The following RAP1GDS1 variants were observed in gnomAD, a reference collection of about 807,000 sequenced individuals.
RAP1GDS1 encodes the protein RAP1, GTP-GDP dissociation stimulator 1.
Under a neutral mutation model 71.1 loss-of-function variants are expected in RAP1GDS1, and 35 were observed. The observed-to-expected ratio is 0.49, with a 90% confidence interval of 0.38 to 0.65. The LOEUF (loss-of-function observed/expected upper bound fraction) is 0.65, where lower values mean the gene tolerates loss of function less well. Among genes scored for constraint, RAP1GDS1 ranks in the 30% least tolerant of loss-of-function variants. The probability of loss-of-function intolerance (pLI) is 0.00; values close to 1 mark genes in which losing one functional copy is unlikely to be tolerated. For synonymous variants in RAP1GDS1, 229 were observed against 243.1 expected, an observed-to-expected ratio of 0.94 and a Z score of 0.54; for missense variants, 663 against 706.1, an observed-to-expected ratio of 0.94 and a Z score of 0.69.
In RAP1GDS1 at chr4:98,404,611, C is replaced by A. The variant is rs773691705; in HGVS notation, c.763+9C>A. On this transcript the variant is annotated intron_variant, in intron 7 of 14. Transcript: ENST00000408927. ...TCCATTGGCAGAAAATGGTGAGAAA[C>A]TTAAATGCACCTTTGGATTTTTGAT... The A allele has an allele frequency of 6.3e-7, 1 of 1,595,778 alleles. No homozygotes were observed. The highest frequency in any genetic ancestry group is 2.3e-5 in the East Asian group (1 of 44,228).
intron 13 of RAP1GDS1, 118 bp from the exon 14 acceptor site, chr4:98,436,822 T>C (rs1291663842): frequency 1.0e-6 from 1 of 990,152 alleles, no homozygotes; most frequent in East Asian, 2.8e-5. Flanking sequence ...TCTAGGTCAT[T>C]ATTATTTATC....
rs78383250 is a variant in RAP1GDS1, at chr4:98,406,877, C to T, written c.763+2275C>T. Reference sequence around the variant, plus strand: ...GTTTACATGGTAAGAAATATACTTCCAGTACCTCAGAGGTCAAAAAAGAAT... The same window carrying T: ...GTTTACATGGTAAGAAATATACTTCTAGTACCTCAGAGGTCAAAAAAGAAT... On this transcript the variant is annotated intron_variant, in intron 7 of 14. Transcript: ENST00000408927. Among the ~76,000 whole-genome samples, 291 of 152,114 alleles carry T rather than the reference C, an allele frequency of 1.9e-3. 6 individuals are homozygous for T. In the East Asian group the frequency reaches 0.041, roughly 21 times the overall value.
chr4:98,344,609 A>G (rs1406119980), intron 3 of RAP1GDS1, among the ~76,000 whole-genome samples: 1 of 152,158 alleles, frequency 6.6e-6, no homozygotes, highest in East Asian at 1.9e-4. Flanking sequence ...AGAGTTTCTT[A>G]CAGTAATACT....
At chr4:98,366,842 G>A (rs761593939) in intron 4 of RAP1GDS1, among the ~76,000 whole-genome samples, 1 of 152,180 alleles carries the variant, frequency 6.6e-6, no homozygotes, top group Admixed American at 6.5e-5. Context: ...GCATTCAAGA[G>A]GTGACTTGGG....
chr4:98,280,204 A>T (rs1724852219), intron 1 of RAP1GDS1, among the ~76,000 whole-genome samples: 1 of 152,190 alleles, frequency 6.6e-6, no homozygotes, highest in Non-Finnish European at 1.5e-5. Context: ...ACAATGGTTG[A>T]ACTAGTTTAC....
At chr4:98,289,016 T>C (rs116216378) in intron 1 of RAP1GDS1, among the ~76,000 whole-genome samples, 149 of 152,252 alleles carry the variant, frequency 9.8e-4, no homozygotes, top group African/African-American at 3.3e-3. Context: ...AGAGGCATGA[T>C]TTTTGTGCTT....
chr4:98,327,871 G>T (rs1002696600), intron 2 of RAP1GDS1, among the ~76,000 whole-genome samples: 3 of 152,120 alleles, frequency 2.0e-5, no homozygotes, highest in Non-Finnish European at 4.4e-5. Flanking sequence ...TGTTTTGTAG[G>T]TGCTTGCTGT....
In RAP1GDS1 at chr4:98,343,169, G is replaced by A; in HGVS notation, c.143G>A (p.Ser48Asn). 1.2e-6 allele frequency: 2 copies of A among 1,608,338 alleles called. No homozygotes were observed. Among genetic ancestry groups the A allele is most frequent in the Non-Finnish European group, 1.7e-6 (2 of 1,175,792 alleles). ...NTETSEKIQASGILQLFASLL... is the reference protein window; with the variant it reads ...NTETSEKIQANGILQLFASLL... ...GAAACAAGTGAAAAAATCCAAGCAAGTGGAATACTTCAGCTGTTTGCAAGT... is the reference window on the plus strand; with the variant it reads ...GAAACAAGTGAAAAAATCCAAGCAAATGGAATACTTCAGCTGTTTGCAAGT... Residue 48 changes from serine to asparagine, a missense_variant, in exon 3 of 15, where the codon AGT becomes AAT. Coordinates refer to ENST00000408927, the MANE Select transcript of RAP1GDS1 (RefSeq NM_001100427.2).
intron 2 of RAP1GDS1, among the ~76,000 whole-genome samples, chr4:98,332,273 C>G (rs1157608670): frequency 6.6e-6 from 1 of 152,126 alleles, no homozygotes; most frequent in Non-Finnish European, 1.5e-5. Flanking sequence ...CAGGGGAACA[C>G]GTGGATCTTA....
intron 1 of RAP1GDS1, among the ~76,000 whole-genome samples, chr4:98,286,623 G>A (rs1281941420): frequency 1.3e-5 from 2 of 151,918 alleles, no homozygotes; most frequent in Admixed American, 6.6e-5. Context: ...GGTGGCTAAC[G>A]CCTATAATCC....
chr4:98,435,195 C>T (rs1216919239), intron 13 of RAP1GDS1, among the ~76,000 whole-genome samples: 1 of 150,842 alleles, frequency 6.6e-6, no homozygotes, highest in Non-Finnish European at 1.5e-5. Flanking sequence ...CAACTTAGAT[C>T]CATAATTCTC....
intron 12 of RAP1GDS1, among the ~76,000 whole-genome samples, chr4:98,426,906 G>A (rs1301069432): frequency 1.3e-5 from 2 of 151,850 alleles, no homozygotes; most frequent in African/African-American, 4.8e-5. Flanking sequence ...ACCAGGAAAG[G>A]ACATAACAAA....
chr4:98,332,596 A>T (rs1734159261), intron 2 of RAP1GDS1, among the ~76,000 whole-genome samples: 1 of 152,338 alleles, frequency 6.6e-6, no homozygotes, highest in Non-Finnish European at 1.5e-5. Context: ...AGCAGAATTT[A>T]AACTTCTGAG....
chr4:98,283,745 T>C (rs1401451632), intron 1 of RAP1GDS1, among the ~76,000 whole-genome samples: 1 of 152,032 alleles, frequency 6.6e-6, no homozygotes, highest in African/African-American at 2.4e-5. Context: ...TATTGAAAGC[T>C]AAAGTGTGTA....
At chr4:98,439,683 TC>T (rs1751642472) in intron 14 of RAP1GDS1, among the ~76,000 whole-genome samples, 1 of 152,228 alleles carries the variant, frequency 6.6e-6, no homozygotes, top group Non-Finnish European at 1.5e-5. Context: ...ATTTCCCTTG[TC>T]CCCTCTATTC....
chr4:98,431,810 C>G (rs1401827974), intron 12 of RAP1GDS1, among the ~76,000 whole-genome samples: 1 of 152,240 alleles, frequency 6.6e-6, no homozygotes, highest in African/African-American at 2.4e-5. Flanking sequence ...CAATATTATT[C>G]TGTCACATGT....
At chr4:98,291,033 G>A (rs547501357) in intron 1 of RAP1GDS1, among the ~76,000 whole-genome samples, 8 of 152,268 alleles carry the variant, frequency 5.3e-5, no homozygotes, top group African/African-American at 1.4e-4. Flanking sequence ...AGGTGTTTCA[G>A]AAATGGAAAA....
intron 5 of RAP1GDS1, among the ~76,000 whole-genome samples, chr4:98,380,635 A>G (rs1333733101): frequency 1.3e-5 from 2 of 151,796 alleles, no homozygotes; most frequent in East Asian, 1.9e-4. Context: ...AAATAAATAC[A>G]TATTTCCTAA....
At chr4:98,298,503 G>C (rs1728112295) in intron 2 of RAP1GDS1, among the ~76,000 whole-genome samples, 1 of 152,168 alleles carries the variant, frequency 6.6e-6, no homozygotes, top group South Asian at 2.1e-4. Context: ...CCTTCAGAAT[G>C]ATGCTAAATT....
Sources: allele counts gnomAD v4.1 joint callset (sites outside exome capture counted in the v4.1 genomes callset), GRCh38; gene constraint gnomAD v4.1.1; transcripts MANE v1.5; gene names NCBI Gene and HGNC (gene_info 2026-07-23, HGNC 2026-07-21).